DAPK1: variants seen among roughly 807,000 people sequenced by gnomAD.
DAPK1 encodes the protein death-associated protein kinase 1.
DAPK1 carries 56 observed loss-of-function variants against 144.9 expected under a neutral mutation model. The observed-to-expected ratio is 0.39, with a 90% CI of 0.31 to 0.48. DAPK1 has a LOEUF of 0.48. DAPK1 is among the 20% of genes least tolerant of loss of function. The pLI is 0.95. For synonymous variants in DAPK1, 690 were observed against 749.0 expected (o/e 0.92, Z 1.29); for missense variants, 1,454 against 1,875.4 (o/e 0.78, Z 4.15).
intron 18 of DAPK1, among the ~76,000 whole-genome samples, chr9:87,666,471 GTTTTTGT>G (rs1831056921): frequency 7.0e-6 from 1 of 143,222 alleles, no homozygotes; most frequent in African/African-American, 2.6e-5. Flanking sequence ...ATATGTTTTT[GTTTTTGT>G]TTTTTTTTTT....
chr9:87,570,819 A>G (rs929091534), intron 2 of DAPK1, among the ~76,000 whole-genome samples: 2 of 152,340 alleles, frequency 1.3e-5, no homozygotes, highest in Non-Finnish European at 2.9e-5. Flanking sequence ...TTGCAAACAC[A>G]TAGGGTGTCG....
At chr9:87,540,193 T>A (rs2118457684) in intron 2 of DAPK1, among the ~76,000 whole-genome samples, 1 of 138,024 alleles carries the variant, frequency 7.2e-6, no homozygotes, top group East Asian at 2.1e-4. Flanking sequence ...CTTTTTTTTT[T>A]TTTTTTTTTT....
At chr9:87,699,967 C>T (rs1825402787) in intron 23 of DAPK1, 150 bp from the exon 24 acceptor site, 2 of 641,874 alleles carry the variant, frequency 3.1e-6, no homozygotes, top group Non-Finnish European at 5.5e-6. Context: ...CAGAGCCCAC[C>T]AACAGCAGGG....
chr9:87,497,778 T>TGGGCCGCGCCGCC (rs1564109921), upstream of DAPK1: 1 of 347,354 alleles, frequency 2.9e-6, no homozygotes, highest in African/African-American at 2.1e-5. Flanking sequence ...CGGAGGTGGG[T>TGGGCCGCGCCGCC]GGGCCGCGCC....
At chr9:87,697,777 A>C (rs539663939) in intron 22 of DAPK1, among the ~76,000 whole-genome samples, 4 of 152,250 alleles carry the variant, frequency 2.6e-5, no homozygotes, top group African/African-American at 9.6e-5. Flanking sequence ...ACATGGCAAA[A>C]CCTCATCTCT....
At chr9:87,673,360 CT>C (rs1215475225) in intron 19 of DAPK1, among the ~76,000 whole-genome samples, 2 of 152,190 alleles carry the variant, frequency 1.3e-5, no homozygotes, top group Non-Finnish European at 2.9e-5. Flanking sequence ...AAAAGAAATA[CT>C]TTCTATCTAC....
intron 3 of DAPK1, among the ~76,000 whole-genome samples, chr9:87,627,826 A>G (rs993437857): frequency 6.6e-6 from 1 of 152,142 alleles, no homozygotes; most frequent in Non-Finnish European, 1.5e-5. Flanking sequence ...TCTCTCACCT[A>G]TGGCTGTGAG....
rs36216779 is a variant in DAPK1 at position 87,671,072 on chromosome 9, T to C, written c.2001+2398T>C. 3.0e-3 allele frequency among the ~76,000 whole-genome samples: 458 copies of C among 152,246 alleles called. 2 individuals are homozygous for C. The highest frequency in any genetic ancestry group is 0.01 in the African/African-American group (431 of 41,532). ...GTTGCACTAGCCGGGGATGGTCGGA[T>C]CGGTGGTGGGTGGAAGGTCCTTCTC... On this transcript the variant is annotated intron_variant, in intron 19 of 25. Transcript: ENST00000408954.
chr9:87,534,272 C>T (rs530715834), intron 2 of DAPK1, among the ~76,000 whole-genome samples: 87 of 113,900 alleles, frequency 7.6e-4, no homozygotes, highest in Non-Finnish European at 1.2e-3. Context: ...TTTTTTTTAA[C>T]GCTGCCATGC....
chr9:87,584,556 T>C (rs921750799), intron 2 of DAPK1, among the ~76,000 whole-genome samples: 1 of 152,198 alleles, frequency 6.6e-6, no homozygotes. Context: ...CTGTGCTAAT[T>C]TGCACTCTCT....
intron 19 of DAPK1, among the ~76,000 whole-genome samples, chr9:87,672,706 C>T (rs1041884652): frequency 6.6e-6 from 1 of 152,188 alleles, no homozygotes; most frequent in African/African-American, 2.4e-5. Flanking sequence ...TTGCTAATTG[C>T]GGTCTTTCTT....
intron 3 of DAPK1, 112 bp from the exon 4 acceptor site, chr9:87,637,831 T>C: frequency 1.7e-6 from 2 of 1,196,696 alleles, no homozygotes; most frequent in Non-Finnish European, 2.3e-6. Flanking sequence ...GGTTTCAGCA[T>C]AGTCTTTATG....
chr9:87,499,609 T>C (rs1337455864), intron 2 of DAPK1, among the ~76,000 whole-genome samples: 1 of 152,218 alleles, frequency 6.6e-6, no homozygotes, highest in African/African-American at 2.4e-5. Context: ...AATGGAGACT[T>C]GCCAGATGTT....
intron 15 of DAPK1, 58 bp downstream of exon 15, chr9:87,648,937 C>A: frequency 7.0e-7 from 1 of 1,420,740 alleles, no homozygotes; most frequent in Non-Finnish European, 1.0e-6. Flanking sequence ...TACAGGCAGC[C>A]AGATGGTACA....
At chr9:87,600,776 A>G (rs1357126141) in intron 2 of DAPK1, among the ~76,000 whole-genome samples, 1 of 152,128 alleles carries the variant, frequency 6.6e-6, no homozygotes, top group Non-Finnish European at 1.5e-5. Context: ...ATGGTAATTA[A>G]TTAATAATGC....
intron 2 of DAPK1, among the ~76,000 whole-genome samples, chr9:87,592,848 C>T (rs1218486944): frequency 6.6e-6 from 1 of 152,152 alleles, no homozygotes; most frequent in African/African-American, 2.4e-5. Flanking sequence ...CAGTGCCATT[C>T]CCTGCCAGCC....
At chr9:87,691,138 T>G (rs1370946740) in intron 21 of DAPK1, among the ~76,000 whole-genome samples, 1 of 151,982 alleles carries the variant, frequency 6.6e-6, no homozygotes, top group Non-Finnish European at 1.5e-5. Context: ...GACTTCTCTT[T>G]TTGGGGAGGC....
chr9:87,518,624 A>G (rs932019499), intron 2 of DAPK1, among the ~76,000 whole-genome samples: 17 of 152,076 alleles, frequency 1.1e-4, no homozygotes, highest in African/African-American at 4.1e-4. Context: ...ACTATGCCAA[A>G]TGTCTTTTTA....
At chr9:87,593,975 G>T (rs1202152244) in intron 2 of DAPK1, among the ~76,000 whole-genome samples, 2 of 152,164 alleles carry the variant, frequency 1.3e-5, no homozygotes, top group Admixed American at 1.3e-4. Context: ...CTTGGGGCAG[G>T]AAGCTCTGAC....
Sources: gnomAD v4.1 joint callset for allele counts (sites outside exome capture counted in the v4.1 genomes callset) on GRCh38, gnomAD v4.1.1 for gene constraint, MANE v1.5 for transcripts, NCBI Gene and HGNC (gene_info 2026-07-23, HGNC 2026-07-21) for gene names.